Variants in RPH3AL observed in about 807,000 individuals in gnomAD.
RPH3AL encodes rab effector Noc2.
RPH3AL carries 38 observed loss-of-function variants against 43.1 expected under a neutral mutation model. The observed-to-expected ratio is 0.88, with a 90% confidence interval of 0.68 to 1.15. The LOEUF is 1.15. Ranked by LOEUF, RPH3AL falls within the 50% of genes most tolerant of loss-of-function variation. RPH3AL has a pLI of 0.00. For missense variants in RPH3AL, 462 were observed against 423.2 expected, an observed-to-expected ratio of 1.09 and a Z score of -0.81; for synonymous variants, 189 against 176.3, an observed-to-expected ratio of 1.07 and a Z score of -0.57.
At position 273,516 on chromosome 17, in the gene RPH3AL, T is replaced by C. The variant is rs111952607; in HGVS notation, c.438+8252A>G. Among the ~76,000 whole-genome samples the C allele has an allele frequency of 9.2e-3, 13 of 1,410 alleles. 3 individuals carry two copies. The highest frequency in any genetic ancestry group is 0.056 in the African/African-American group (11 of 198). The allele number at this position is 1,410 out of a possible 152,430, so 0.9% of individuals were successfully genotyped here. A position where few individuals can be genotyped will look rare whatever the true frequency, so the allele number is the denominator to read the frequency against. Reference sequence around the variant, plus strand: ...CGTCGGGGAGAGACCCCAGCGAGGGTGACGTCAGGGAGAGACCCCAGCGAG... The same window carrying C: ...CGTCGGGGAGAGACCCCAGCGAGGGCGACGTCAGGGAGAGACCCCAGCGAG... On this transcript the variant is annotated intron_variant, in intron 6 of 9. Coordinates refer to ENST00000331302, the MANE Select transcript of RPH3AL (RefSeq NM_006987.4).
chr17:297,340 C>T (rs562661087), intron 5 of RPH3AL, among the ~76,000 whole-genome samples: 16 of 152,330 alleles, frequency 1.1e-4, no homozygotes, highest in African/African-American at 3.6e-4. Context: ...CTGTGAGCCA[C>T]TCTAGCAAAT....
chr17:248,295 A>G (rs1296692950), intron 6 of RPH3AL, among the ~76,000 whole-genome samples: 1 of 152,008 alleles, frequency 6.6e-6, no homozygotes, highest in East Asian at 1.9e-4. Context: ...AAAGCTCCAG[A>G]CTTGTTCTGG....
At chr17:351,135 C>G (rs1167007694) in intron 1 of RPH3AL, among the ~76,000 whole-genome samples, 1 of 152,198 alleles carries the variant, frequency 6.6e-6, no homozygotes. Flanking sequence ...CGACCTACCT[C>G]TCTCCAACGT....
At chr17:247,556 A>G in intron 6 of RPH3AL, 1 of 422,390 alleles carries the variant, frequency 2.4e-6, no homozygotes. Context: ...TGCAGTCATC[A>G]CCCGCTGCAG....
At chr17:350,599 A>AC (rs1395801906) in intron 1 of RPH3AL, among the ~76,000 whole-genome samples, 1 of 152,148 alleles carries the variant, frequency 6.6e-6, no homozygotes, top group Non-Finnish European at 1.5e-5. Context: ...ACAGAGCAAG[A>AC]CCCCATCTCA....
At chr17:249,300 G>A (rs2041834384) in intron 6 of RPH3AL, among the ~76,000 whole-genome samples, 1 of 152,048 alleles carries the variant, frequency 6.6e-6, no homozygotes, top group African/African-American at 2.4e-5. Context: ...CCTGGGTCTG[G>A]CACCCAGCAT....
intron 7 of RPH3AL, among the ~76,000 whole-genome samples, chr17:238,807 G>C (rs1302613461): frequency 6.6e-6 from 1 of 152,164 alleles, no homozygotes; most frequent in Non-Finnish European, 1.5e-5. Context: ...CCTGTGGAGG[G>C]GATGAACCCA....
intron 1 of RPH3AL, among the ~76,000 whole-genome samples, chr17:350,348 G>T (rs1018849970): frequency 2.0e-5 from 3 of 152,048 alleles, no homozygotes; most frequent in Admixed American, 2.0e-4. Context: ...GTGGTGGCAC[G>T]CACTTGTAAT....
rs1567631153 is a variant in RPH3AL at position 304,956 on chromosome 17, ACAGGGCGAGAG to A, written c.351+14453_351+14463del. ...GAGAGGGGGACAGGGCGAGAGGGGG[ACAGGGCGAGAG>A]GGGGACAGGGCGGGAGGGGGACAGG... is the stretch of plus-strand genomic sequence containing the variant. On this transcript the variant is annotated intron_variant, in intron 5 of 9. Transcript: ENST00000331302. Among the ~76,000 whole-genome samples, 9 of 55,258 alleles carry A rather than the reference ACAGGGCGAGAG, an allele frequency of 1.6e-4. No homozygotes were observed. In the East Asian group the frequency reaches 1.7e-3, roughly 11 times the overall value. 36.3% of individuals were successfully genotyped at this position (55,258 alleles called of 152,430 possible). A position where few individuals can be genotyped will look rare whatever the true frequency, so the allele number is the denominator to read the frequency against.
At position 248,532 on chromosome 17, in the gene RPH3AL, A is replaced by C. The variant is rs576959804; in HGVS notation, c.439-1247T>G. ...AGAGTCACCCTAAAGCTGGCCAGACAGACACCCCCAAAGGCTGGCAGAGCC... is the reference window on the plus strand; with the variant it reads ...AGAGTCACCCTAAAGCTGGCCAGACCGACACCCCCAAAGGCTGGCAGAGCC... On this transcript the variant is annotated intron_variant, in intron 6 of 9. Coordinates refer to ENST00000331302, the MANE Select transcript of RPH3AL (RefSeq NM_006987.4). 1.1e-4 allele frequency among the ~76,000 whole-genome samples: 17 copies of C among 152,278 alleles called. No homozygotes were observed. The East Asian group carries it at 3.3e-3, about 30-fold the overall frequency.
intron 5 of RPH3AL, among the ~76,000 whole-genome samples, chr17:314,211 C>T (rs1014714110): frequency 1.3e-5 from 2 of 152,194 alleles, no homozygotes; most frequent in Non-Finnish European, 2.9e-5. Context: ...GGATCTGTGC[C>T]TCTTCATGGT....
chr17:257,229 G>A (rs1567590481), intron 6 of RPH3AL, among the ~76,000 whole-genome samples: 4 of 39,266 alleles, frequency 1.0e-4, no homozygotes, highest in Non-Finnish European at 2.3e-4. Context: ...CTAGGAATGT[G>A]ACTACCCTAC....
chr17:218,754 C>G (rs62057055), intron 8 of RPH3AL, among the ~76,000 whole-genome samples: 35,404 of 152,132 alleles, frequency 0.23, 4,894 homozygotes, highest in Non-Finnish European at 0.3. Context: ...GCTCAGGGAT[C>G]TCCAAGTCAG....
intron 7 of RPH3AL, among the ~76,000 whole-genome samples, chr17:223,459 T>A (rs1187980081): frequency 1.3e-5 from 2 of 152,122 alleles, no homozygotes; most frequent in Non-Finnish European, 2.9e-5. Flanking sequence ...TAGGGCGGGT[T>A]GAGCTCTTAT....
At chr17:318,018 T>G (rs1366317512) in intron 5 of RPH3AL, among the ~76,000 whole-genome samples, 1 of 151,998 alleles carries the variant, frequency 6.6e-6, no homozygotes, top group Non-Finnish European at 1.5e-5. Context: ...TGTTTTTTAG[T>G]TCCCTTGCCC....
At chr17:271,302 A>G (rs562329580) in intron 6 of RPH3AL, among the ~76,000 whole-genome samples, 2 of 152,288 alleles carry the variant, frequency 1.3e-5, no homozygotes, top group African/African-American at 4.8e-5. Flanking sequence ...GTTTTTTCCA[A>G]TTCTGTGAAG....
At chr17:261,967 G>A (rs1437727534) in intron 6 of RPH3AL, 1 of 152,114 alleles carries the variant, frequency 6.6e-6, no homozygotes, top group Non-Finnish European at 1.5e-5. Flanking sequence ...GCATAAAAGA[G>A]GATGTAAAGT....
chr17:313,593 TA>T (rs1176201156), intron 5 of RPH3AL, among the ~76,000 whole-genome samples: 1 of 152,188 alleles, frequency 6.6e-6, no homozygotes, highest in Non-Finnish European at 1.5e-5. Context: ...AGCCTCTCCC[TA>T]GGTGCTCTGC....
At chr17:223,382 G>C (rs908596979) in intron 7 of RPH3AL, among the ~76,000 whole-genome samples, 19 of 152,192 alleles carry the variant, frequency 1.2e-4, no homozygotes, top group African/African-American at 3.9e-4. Context: ...AGATGGGACA[G>C]GAGTCATGGG....
Sources: allele counts gnomAD v4.1 joint callset (sites outside exome capture counted in the v4.1 genomes callset), GRCh38; gene constraint gnomAD v4.1.1; transcripts MANE v1.5; gene names NCBI Gene and HGNC (gene_info 2026-07-23, HGNC 2026-07-21).